EPM2A: variants seen among roughly 807,000 people sequenced by gnomAD.
EPM2A encodes laforin.
Under a neutral mutation model 26.5 loss-of-function variants are expected in EPM2A, and 21 were observed. The observed-to-expected ratio is 0.79, with a 90% CI of 0.56 to 1.14. EPM2A has a LOEUF of 1.14. EPM2A is among the 50% of genes most tolerant of loss of function. The pLI is 0.00. For synonymous variants in EPM2A, 217 were observed against 177.6 expected (o/e 1.22, Z -1.76); for missense variants, 458 against 440.8 (o/e 1.04, Z -0.35).
At chr6:145,400,415 G>C (rs112422458) in intron 4 of EPM2A, among the ~76,000 whole-genome samples, 4 of 152,244 alleles carry the variant, frequency 2.6e-5, no homozygotes, top group South Asian at 2.1e-4. Context: ...TCTTTCTTAA[G>C]AGTTAAACAG....
intron 4 of EPM2A, among the ~76,000 whole-genome samples, chr6:145,492,730 G>T (rs1779770950): frequency 6.6e-6 from 1 of 152,152 alleles, no homozygotes; most frequent in African/African-American, 2.4e-5. Context: ...TAGCTGTCAA[G>T]CCATCCCTCT....
intron 4 of EPM2A, among the ~76,000 whole-genome samples, chr6:145,436,851 A>G (rs1167254109): frequency 6.6e-6 from 1 of 151,512 alleles, no homozygotes; most frequent in Non-Finnish European, 1.5e-5. Flanking sequence ...CCTACTATAA[A>G]GTTTCTATTT....
intron 4 of EPM2A, among the ~76,000 whole-genome samples, chr6:145,466,566 C>G (rs1045941633): frequency 6.6e-6 from 1 of 151,946 alleles, no homozygotes; most frequent in Non-Finnish European, 1.5e-5. Context: ...TAGTTCAACC[C>G]TTGTGGAAGT....
chr6:145,732,162 C>T (rs562459627), intron 1 of EPM2A, among the ~76,000 whole-genome samples: 2 of 147,224 alleles, frequency 1.4e-5, no homozygotes, highest in African/African-American at 2.5e-5. Flanking sequence ...CATAGGAGTT[C>T]GATTGTTTTC....
At chr6:145,531,169 GC>G (rs1168228197) in intron 2 of EPM2A, among the ~76,000 whole-genome samples, 1 of 152,150 alleles carries the variant, frequency 6.6e-6, no homozygotes, top group Non-Finnish European at 1.5e-5. Context: ...TAGGATTCTG[GC>G]TGAAAGCAGC....
At chr6:145,390,856 A>G (rs565913113) in intron 4 of EPM2A, among the ~76,000 whole-genome samples, 95 of 152,152 alleles carry the variant, frequency 6.2e-4, no homozygotes, top group African/African-American at 2.2e-3. Context: ...CCTGCAGCAA[A>G]CTTTTCACCT....
intron 2 of EPM2A, among the ~76,000 whole-genome samples, chr6:145,598,006 G>C (rs1781371107): frequency 6.6e-6 from 1 of 152,130 alleles, no homozygotes; most frequent in African/African-American, 2.4e-5. Context: ...CCATGTCTTT[G>C]CTATTGCAAA....
At chr6:145,648,113 C>A (rs181742960) in intron 2 of EPM2A, among the ~76,000 whole-genome samples, 1 of 152,288 alleles carries the variant, frequency 6.6e-6, no homozygotes, top group African/African-American at 2.4e-5. Flanking sequence ...ATGCTAAATT[C>A]TTTTACTACA....
In EPM2A at chr6:145,735,206, G is replaced by C. The variant is rs1776785642; in HGVS notation, c.293C>G (p.Ser98Cys). ...FLKREPGGEL[S>C]WEGNGPHHDR... is the part of the protein sequence containing the mutation. ...GCGTCTGCTGGCAATACCTTCCCAGGAGAGCTCTCCTCCCGGCTCCCGCTT... is the reference window on the plus strand; with the variant it reads ...GCGTCTGCTGGCAATACCTTCCCAGCAGAGCTCTCCTCCCGGCTCCCGCTT... The change falls in exon 1 of 4, where the codon TCC becomes TGC. Residue 98 changes from serine to cysteine, a missense_variant. Coordinates refer to ENST00000367519, the MANE Select transcript of EPM2A (RefSeq NM_005670.4). The C allele has an allele frequency of 6.6e-7, 1 of 1,524,228 alleles. No homozygotes were observed. Among genetic ancestry groups the C allele is most frequent in the Non-Finnish European group, 8.8e-7 (1 of 1,133,348 alleles). The allele number at this position is 1,524,228 out of a possible 1,614,324, so 94.4% of individuals were successfully genotyped here.
At chr6:145,490,883 A>T in intron 4 of EPM2A, 1 of 697,624 alleles carries the variant, frequency 1.4e-6, no homozygotes, top group Non-Finnish European at 2.6e-6. Context: ...CTTGCTGGTA[A>T]TATCTGCCAA....
chr6:145,472,800 G>A (rs750380620), intron 4 of EPM2A, among the ~76,000 whole-genome samples: 25 of 152,224 alleles, frequency 1.6e-4, no homozygotes, highest in East Asian at 3.9e-4. Context: ...CAACAAAGGC[G>A]ATACCTCTAC....
intron 4 of EPM2A, among the ~76,000 whole-genome samples, chr6:145,464,040 C>A (rs1343724418): frequency 6.6e-6 from 1 of 151,966 alleles, no homozygotes; most frequent in Non-Finnish European, 1.5e-5. Context: ...AGTTTACCCT[C>A]TTTCTCTTTC....
At chr6:145,706,315 C>T (rs542874599) in intron 1 of EPM2A, among the ~76,000 whole-genome samples, 14 of 152,310 alleles carry the variant, frequency 9.2e-5, no homozygotes, top group Admixed American at 5.2e-4. Flanking sequence ...AGAATCAACA[C>T]ATTAGGTTAC....
intron 2 of EPM2A, among the ~76,000 whole-genome samples, chr6:145,518,615 A>C (rs1026142706): frequency 9.2e-5 from 14 of 151,614 alleles, no homozygotes; most frequent in Non-Finnish European, 1.2e-4. Flanking sequence ...AAAAAAAAAA[A>C]AAAAAAAACA....
chr6:145,603,279 TAA>T (rs35392511), intron 2 of EPM2A, among the ~76,000 whole-genome samples: 2,391 of 145,996 alleles, frequency 0.016, 61 homozygotes, highest in African/African-American at 0.056. Flanking sequence ...ATCTCTAAAT[TAA>T]AAAAAAAAAA....
chr6:145,612,338 A>G (rs887651451), intron 2 of EPM2A, among the ~76,000 whole-genome samples: 4 of 152,228 alleles, frequency 2.6e-5, no homozygotes, highest in Non-Finnish European at 5.9e-5. Flanking sequence ...AGAAATACAA[A>G]GCAGAGAAAA....
Position 145,626,455 on chromosome 6 carries a change from T to C in EPM2A, c.*961A>G, listed in dbSNP as rs1237046868. 2 of 985,826 alleles carry C rather than the reference T, an allele frequency of 2.0e-6. No homozygotes were observed. Among genetic ancestry groups the C allele is most frequent in the Non-Finnish European group, 2.4e-6 (2 of 829,970 alleles). 61.1% of individuals were successfully genotyped at this position (985,826 alleles called of 1,614,324 possible). A position where few individuals can be genotyped will look rare whatever the true frequency, so the allele number is the denominator to read the frequency against. ...AGCCCATCATGTTTTTAAATTAGCT[T>C]GCACAAAATACAACTAATTTCCTAG... is the stretch of plus-strand genomic sequence containing the variant. On this transcript the variant is annotated 3_prime_UTR_variant, in exon 4 of 4. Transcript: ENST00000367519.
intron 4 of EPM2A, among the ~76,000 whole-genome samples, chr6:145,454,505 C>G (rs1465575274): frequency 6.6e-6 from 1 of 152,006 alleles, no homozygotes; most frequent in African/African-American, 2.4e-5. Flanking sequence ...AAAAGATGAC[C>G]CCATAGACAC....
At chr6:145,635,104 T>C in intron 3 of EPM2A, 141 bp downstream of exon 3, 1 of 913,964 alleles carries the variant, frequency 1.1e-6, no homozygotes, top group South Asian at 1.6e-5. Flanking sequence ...AAAACATATG[T>C]ATTATATATA....
Sources: allele counts gnomAD v4.1 joint callset (sites outside exome capture counted in the v4.1 genomes callset), GRCh38; gene constraint gnomAD v4.1.1; transcripts MANE v1.5; gene names NCBI Gene and HGNC (gene_info 2026-07-23, HGNC 2026-07-21).